Variants in PRKAR2B observed in about 807,000 individuals in gnomAD.
PRKAR2B encodes the protein cAMP-dependent protein kinase type II-beta regulatory subunit.
A neutral mutation model predicts 49.9 loss-of-function variants in PRKAR2B; 14 were observed. The ratio of observed to expected loss-of-function variants is 0.28; its 90% CI spans 0.19 to 0.44. The LOEUF (loss-of-function observed/expected upper bound fraction) is 0.44. Ranked by LOEUF, PRKAR2B falls within the 20% of genes least tolerant of loss-of-function variation. PRKAR2B has a pLI of 1.00. For missense variants in PRKAR2B, 393 were observed against 537.9 expected (o/e 0.73, Z 2.67); for synonymous variants, 196 against 197.7 (o/e 0.99, Z 0.07).
At chr7:107,139,509 G>A (rs143007209) in intron 4 of PRKAR2B, among the ~76,000 whole-genome samples, 73 of 152,286 alleles carry the variant, frequency 4.8e-4, no homozygotes, top group African/African-American at 1.8e-3. Context: ...CTTTAAATCA[G>A]TCCGCTTGTC....
chr7:107,132,400 A>G (rs1584445069), intron 4 of PRKAR2B, among the ~76,000 whole-genome samples: 1 of 152,324 alleles, frequency 6.6e-6, no homozygotes, highest in East Asian at 1.9e-4. Flanking sequence ...AGATTTATCT[A>G]AGGTCACTTT....
chr7:107,044,930 G>A lies in PRKAR2B; in HGVS notation c.23G>A (p.Gly8Glu), dbSNP rs781294408. 1.3e-6 allele frequency: 2 copies of A among 1,599,414 alleles called. No homozygotes were observed. The change falls in exon 1 of 11, where the codon GGA (glycine) becomes GAA (glutamate). Residue 8 changes from glycine (G) to glutamate (E), a missense_variant. By Grantham distance (98) the Gly-to-Glu change is moderately conservative. Around this residue, in one of 2 missense-constraint regions of PRKAR2B, gnomAD observed 160 missense variants for 147.6 expected, o/e 1.08. Transcript: ENST00000265717. Reference protein sequence around the residue: MSIEIPAGLTELLQGFTV... With the variant: MSIEIPAELTELLQGFTV... ...AGGATGAGCATCGAGATCCCGGCGG[G>A]ACTGACGGAGCTGCTGCAGGGCTTC...
chr7:107,146,900 C>T (rs1398007367), intron 6 of PRKAR2B, among the ~76,000 whole-genome samples: 2 of 152,132 alleles, frequency 1.3e-5, no homozygotes, highest in Non-Finnish European at 2.9e-5. Context: ...ATTCTGGGGC[C>T]CCACCCACTG....
intron 2 of PRKAR2B, among the ~76,000 whole-genome samples, chr7:107,116,176 G>A (rs1009715107): frequency 6.6e-6 from 1 of 152,222 alleles, no homozygotes; most frequent in South Asian, 2.1e-4. Flanking sequence ...TTATTTCTTC[G>A]GTCATTTTTG....
Position 107,086,623 on chromosome 7 carries a change from G to A in PRKAR2B, c.343+16307G>A, listed in dbSNP as rs554350044. ...CTACAGGTGTGCGCCACCATGCCTG[G>A]GTCATTTTTGCATTTTTTTGTAGAT... On this transcript the variant is annotated intron_variant, in intron 2 of 10. Coordinates refer to ENST00000265717, the MANE Select transcript of PRKAR2B (RefSeq NM_002736.3). Among the ~76,000 whole-genome samples, 3 of 152,004 alleles carry A rather than the reference G, an allele frequency of 2.0e-5. No homozygotes were observed. In the East Asian group the frequency reaches 5.8e-4, roughly 29 times the overall value.
At chr7:107,045,253 C>T (rs1476525312) in intron 1 of PRKAR2B, 39 bp downstream of exon 1, 31 of 1,386,686 alleles carry the variant, frequency 2.2e-5, no homozygotes, top group Non-Finnish European at 2.7e-5. Context: ...CCCGGATCCC[C>T]TCGCTGCCCC....
intron 4 of PRKAR2B, among the ~76,000 whole-genome samples, chr7:107,133,030 A>G (rs1215402123): frequency 6.6e-6 from 1 of 152,190 alleles, no homozygotes; most frequent in Non-Finnish European, 1.5e-5. Context: ...TCATTAATGA[A>G]GAGTAAATTG....
chr7:107,157,861 G>A (rs1796124071), intron 10 of PRKAR2B, among the ~76,000 whole-genome samples: 1 of 152,160 alleles, frequency 6.6e-6, no homozygotes, highest in African/African-American at 2.4e-5. Flanking sequence ...GTATATATCT[G>A]AGATTATATA....
At chr7:107,061,693 C>T (rs1338395129) in intron 1 of PRKAR2B, among the ~76,000 whole-genome samples, 2 of 152,138 alleles carry the variant, frequency 1.3e-5, no homozygotes, top group Admixed American at 6.5e-5. Flanking sequence ...CACTTGAGGT[C>T]AGCAGTTTGA....
chr7:107,070,433 A>AT, intron 2 of PRKAR2B, 117 bp downstream of exon 2: 1 of 913,124 alleles, frequency 1.1e-6, no homozygotes, highest in Non-Finnish European at 1.6e-6. Flanking sequence ...TTTGTCAGTT[A>AT]TTTTTCCCAG....
At chr7:107,137,016 A>G (rs1212589557) in intron 4 of PRKAR2B, among the ~76,000 whole-genome samples, 2 of 152,216 alleles carry the variant, frequency 1.3e-5, no homozygotes, top group Non-Finnish European at 2.9e-5. Context: ...AGAACCTTAA[A>G]TGCATAATAC....
intron 3 of PRKAR2B, among the ~76,000 whole-genome samples, chr7:107,123,567 C>G (rs561044849): frequency 6.6e-6 from 1 of 152,288 alleles, no homozygotes; most frequent in Non-Finnish European, 1.5e-5. Flanking sequence ...TAAGACTTAG[C>G]GTAGTGTCTT....
intron 5 of PRKAR2B, among the ~76,000 whole-genome samples, chr7:107,144,181 G>T (rs917770007): frequency 1.6e-4 from 24 of 151,750 alleles, no homozygotes; most frequent in Non-Finnish European, 1.8e-4. Flanking sequence ...GTCCTCCTGG[G>T]TTCAGGTGAT....
chr7:107,106,093 A>G (rs1041524135), intron 2 of PRKAR2B, among the ~76,000 whole-genome samples: 2 of 152,212 alleles, frequency 1.3e-5, no homozygotes, highest in African/African-American at 2.4e-5. Flanking sequence ...ATCTGGGTCT[A>G]CATTAGTGTA....
At chr7:107,087,427 A>G (rs1794642316) in intron 2 of PRKAR2B, among the ~76,000 whole-genome samples, 1 of 152,224 alleles carries the variant, frequency 6.6e-6, no homozygotes, top group Non-Finnish European at 1.5e-5. Context: ...ACCACTTTAA[A>G]TAATCATAAT....
At chr7:107,151,090 G>C (rs1795977688) in intron 7 of PRKAR2B, 67 bp downstream of exon 7, 1 of 910,220 alleles carries the variant, frequency 1.1e-6, no homozygotes, top group Non-Finnish European at 1.5e-6. Flanking sequence ...GGAATATTTA[G>C]TTCTATAGAA....
In PRKAR2B at chr7:107,045,028, C is replaced by A; in HGVS notation, c.121C>A (p.Gln41Lys). 1 of 1,551,114 alleles carries A rather than the reference C, an allele frequency of 6.4e-7. No individual in the cohort carries two copies. Among genetic ancestry groups the A allele is most frequent in the Non-Finnish European group, 8.7e-7 (1 of 1,151,264 alleles). ...FALQHFTRLQ[Q>K]ENERKGTARF... The stretch of plus-strand genomic sequence containing the variant: ...GCTGCAGCACTTCACCCGCCTGCAG[C>A]AGGAGAACGAGCGCAAAGGCACCGC... The change falls in exon 1 of 11, where the codon CAG (glutamine) becomes AAG (lysine). Residue 41 changes from glutamine to lysine, a missense_variant. Coordinates refer to ENST00000265717, the MANE Select transcript of PRKAR2B (RefSeq NM_002736.3).
Position 107,140,938 on chromosome 7 carries a change from TTTATGTAA to T in PRKAR2B, c.575_582del (p.Tyr192Ter). 6.2e-7 allele frequency: 1 copy of T among 1,611,316 alleles called. No individual in the cohort carries two copies. The highest frequency in any genetic ancestry group is 1.3e-5 in the African/African-American group (1 of 74,970). ...GATCAAGGTGACGATGGTGACAACT[TTTATGTAA>T]TTGATAGGTAAGTTTTGCCCAACCT... On this transcript the variant is annotated frameshift_variant, in exon 5 of 11. Transcript: ENST00000265717. LOFTEE classifies it high-confidence loss of function.
At chr7:107,147,625 TTTTTGC>T (rs1795916940) in intron 6 of PRKAR2B, among the ~76,000 whole-genome samples, 1 of 152,214 alleles carries the variant, frequency 6.6e-6, no homozygotes, top group South Asian at 2.1e-4. Context: ...AGGCCCGTGA[TTTTTGC>T]ATTTCTCATC....
Sources: gnomAD v4.1 joint callset for allele counts (sites outside exome capture counted in the v4.1 genomes callset) on GRCh38, gnomAD v4.1.1 for gene constraint, gnomAD v4.1.1 regional missense constraint, MANE v1.5 for transcripts, NCBI Gene and HGNC (gene_info 2026-07-23, HGNC 2026-07-21) for gene names.